Variants in SCAPER observed in about 807,000 individuals in gnomAD.
SCAPER encodes the protein S phase cyclin A-associated protein in the endoplasmic reticulum.
In SCAPER, 98 loss-of-function variants were observed where a neutral mutation model predicts 182.2. That is an observed-to-expected ratio of 0.54 (90% CI 0.46 to 0.64). The LOEUF (loss-of-function observed/expected upper bound fraction) is 0.64, where lower values mean the gene tolerates loss of function less well. Among genes scored for constraint, SCAPER ranks in the 30% least tolerant of loss-of-function variants. The pLI, the probability that SCAPER is intolerant of heterozygous loss-of-function variation, is 0.00. For synonymous variants in SCAPER, 605 were observed against 564.6 expected, an observed-to-expected ratio of 1.07 and a Z score of -1.01; for missense variants, 1,432 against 1,690.0, an observed-to-expected ratio of 0.85 and a Z score of 2.68.
At chr15:76,877,784 C>A (rs1179418970) in intron 2 of SCAPER, among the ~76,000 whole-genome samples, 1 of 152,126 alleles carries the variant, frequency 6.6e-6, no homozygotes. Context: ...GGAGACCAAA[C>A]AGACCTGGCA....
intron 23 of SCAPER, among the ~76,000 whole-genome samples, chr15:76,573,866 A>T (rs924642399): frequency 1.3e-5 from 2 of 152,130 alleles, no homozygotes; most frequent in African/African-American, 4.8e-5. Context: ...AAAGTCATAC[A>T]TCTTTATTAT....
intron 8 of SCAPER, among the ~76,000 whole-genome samples, chr15:76,777,135 A>C (rs1157666070): frequency 6.6e-6 from 1 of 152,174 alleles, no homozygotes; most frequent in Non-Finnish European, 1.5e-5. Context: ...GTCAGAAGAC[A>C]TATTACCTAT....
At chr15:76,420,490 C>T (rs1190547814) in intron 26 of SCAPER, among the ~76,000 whole-genome samples, 1 of 151,990 alleles carries the variant, frequency 6.6e-6, no homozygotes. Context: ...AGTGGTATTT[C>T]CATACATTAA....
At chr15:76,681,205 A>T (rs1412346343) in intron 20 of SCAPER, among the ~76,000 whole-genome samples, 1 of 152,224 alleles carries the variant, frequency 6.6e-6, no homozygotes, top group Non-Finnish European at 1.5e-5. Flanking sequence ...CATTTCTAAG[A>T]AAAATCTATT....
chr15:76,586,021 A>C (rs16968382), intron 22 of SCAPER, among the ~76,000 whole-genome samples: 7,411 of 152,258 alleles, frequency 0.049, 222 homozygotes, highest in South Asian at 0.12. Flanking sequence ...AGTATCTGTC[A>C]GGTAAATGGT....
At chr15:76,369,426 G>T (rs1217549049) in intron 29 of SCAPER, among the ~76,000 whole-genome samples, 14 of 152,344 alleles carry the variant, frequency 9.2e-5, no homozygotes, top group Admixed American at 5.2e-4. Flanking sequence ...AAGTATAGAA[G>T]TGAGGTGGAA....
At chr15:76,649,129 T>TTCTTTTG (rs1392013656) in intron 21 of SCAPER, among the ~76,000 whole-genome samples, 1 of 152,180 alleles carries the variant, frequency 6.6e-6, no homozygotes, top group Non-Finnish European at 1.5e-5. Flanking sequence ...TCCTTTCTCT[T>TTCTTTTG]TCTTTTGTCT....
intron 27 of SCAPER, among the ~76,000 whole-genome samples, chr15:76,384,148 C>T (rs1031803943): frequency 1.3e-5 from 2 of 152,142 alleles, no homozygotes; most frequent in Admixed American, 6.5e-5. Context: ...CACTGATTGC[C>T]TTTTAGAACC....
intron 22 of SCAPER, chr15:76,576,728 T>A (rs1406899506): frequency 6.6e-6 from 1 of 150,426 alleles, no homozygotes; most frequent in Non-Finnish European, 1.5e-5. Context: ...AGACAGAGAG[T>A]CTATGCACTT....
At chr15:76,783,312 A>C (rs1418043686) in intron 8 of SCAPER, among the ~76,000 whole-genome samples, 2 of 152,108 alleles carry the variant, frequency 1.3e-5, no homozygotes, top group South Asian at 4.1e-4. Context: ...GGACACATAC[A>C]CCCTCCCAAG....
At chr15:76,467,383 G>A (rs889830004) in intron 25 of SCAPER, among the ~76,000 whole-genome samples, 1 of 151,420 alleles carries the variant, frequency 6.6e-6, no homozygotes, top group African/African-American at 2.4e-5. Context: ...CTGGGATATT[G>A]TCCACATGCC....
At chr15:76,684,661 A>ATAGTTTTATAC (rs1475512401) in intron 20 of SCAPER, among the ~76,000 whole-genome samples, 1 of 152,024 alleles carries the variant, frequency 6.6e-6, no homozygotes, top group African/African-American at 2.4e-5. Flanking sequence ...ACATGAAAAT[A>ATAGTTTTATAC]TGTTTAAAAC....
intron 6 of SCAPER, among the ~76,000 whole-genome samples, chr15:76,802,966 CCTA>C (rs1406312094): frequency 6.6e-6 from 1 of 152,142 alleles, no homozygotes; most frequent in Non-Finnish European, 1.5e-5. Context: ...TCTAATTCTC[CCTA>C]CTGTTACTAC....
chr15:76,867,927 C>T (rs990156169), intron 2 of SCAPER, among the ~76,000 whole-genome samples: 2 of 151,872 alleles, frequency 1.3e-5, no homozygotes, highest in Non-Finnish European at 2.9e-5. Flanking sequence ...TCTGGGTTTG[C>T]TTTTTTTTAA....
At chr15:76,487,486 A>G (rs1224079618) in intron 24 of SCAPER, among the ~76,000 whole-genome samples, 1 of 152,196 alleles carries the variant, frequency 6.6e-6, no homozygotes, top group Non-Finnish European at 1.5e-5. Flanking sequence ...ACAGAACTAG[A>G]AAAGGCAAAG....
intron 2 of SCAPER, among the ~76,000 whole-genome samples, chr15:76,863,214 G>C (rs1568364880): frequency 6.6e-6 from 1 of 152,166 alleles, no homozygotes; most frequent in Non-Finnish European, 1.5e-5. Flanking sequence ...CCCCACTAAT[G>C]AATGTCATAT....
intron 21 of SCAPER, among the ~76,000 whole-genome samples, chr15:76,633,627 C>A (rs1235596774): frequency 2.6e-5 from 4 of 152,218 alleles, no homozygotes; most frequent in Non-Finnish European, 5.9e-5. Flanking sequence ...GCTGGGGATG[C>A]TGCAATTCCC....
At chr15:76,751,676 T>C (rs1459479452) in intron 15 of SCAPER, among the ~76,000 whole-genome samples, 1 of 151,640 alleles carries the variant, frequency 6.6e-6, no homozygotes, top group Non-Finnish European at 1.5e-5. Context: ...GACAGCCACA[T>C]GGCAAAAAAT....
intron 25 of SCAPER, among the ~76,000 whole-genome samples, chr15:76,448,807 T>C (rs1450362987): frequency 6.6e-6 from 1 of 152,092 alleles, no homozygotes; most frequent in Non-Finnish European, 1.5e-5. Flanking sequence ...AAAACCGAAC[T>C]GAGTGGGTGA....
Sources: gnomAD v4.1 joint callset for allele counts (sites outside exome capture counted in the v4.1 genomes callset) on GRCh38, gnomAD v4.1.1 for gene constraint, MANE v1.5 for transcripts, NCBI Gene and HGNC (gene_info 2026-07-23, HGNC 2026-07-21) for gene names.